The following LRRC37A2 variants were observed in gnomAD, a reference collection of about 807,000 sequenced individuals.
The protein encoded by LRRC37A2 is leucine-rich repeat-containing protein 37A2.
In LRRC37A2, 9 loss-of-function variants were observed where a neutral mutation model predicts 68.8. The ratio of observed to expected loss-of-function variants is 0.13; its 90% CI spans 0.08 to 0.23. The LOEUF (loss-of-function observed/expected upper bound fraction) is 0.23, where lower values mean the gene tolerates loss of function less well. Among genes scored for constraint, LRRC37A2 ranks in the 10% least tolerant of loss-of-function variants. The pLI is 1.00. For missense variants in LRRC37A2, 168 were observed against 950.4 expected, an observed-to-expected ratio of 0.18 and a Z score of 10.82; for synonymous variants, 63 against 367.6, an observed-to-expected ratio of 0.17 and a Z score of 9.48.
At chr17:46,953,841 T>G in the LRRC37A2 span, among the ~76,000 whole-genome samples, 1 of 152,258 alleles carries the variant, frequency 6.6e-6, no homozygotes, top group South Asian at 2.1e-4. Flanking sequence ...TGTCTTCTTT[T>G]GAGAAGTGTA....
the LRRC37A2 span, among the ~76,000 whole-genome samples, chr17:46,983,763 G>A: frequency 6.6e-6 from 1 of 152,302 alleles, no homozygotes; most frequent in African/African-American, 2.4e-5. Context: ...TGATTTCTGA[G>A]GGCCAGGAAC....
the LRRC37A2 span, among the ~76,000 whole-genome samples, chr17:47,040,056 A>C: frequency 2.0e-5 from 3 of 151,962 alleles, no homozygotes; most frequent in South Asian, 6.2e-4. Context: ...CTATTTGATG[A>C]GACATTGCTT....
the LRRC37A2 span, among the ~76,000 whole-genome samples, chr17:46,870,904 C>CTTTTTTTTTTTTTTTTTTTT: frequency 6.4e-5 from 5 of 78,388 alleles, no homozygotes; most frequent in African/African-American, 2.5e-4. Context: ...TCCACCTTTG[C>CTTTTTTTTTTTTTTTTTTTT]TTTTTTTTTT....
the LRRC37A2 span, among the ~76,000 whole-genome samples, chr17:46,835,694 CTGG>C: frequency 2.0e-5 from 3 of 152,240 alleles, no homozygotes; most frequent in African/African-American, 4.8e-5. Context: ...AAGCTCAGGG[CTGG>C]TGGTCAGGTG....
chr17:46,877,627 G>T, the LRRC37A2 span, among the ~76,000 whole-genome samples: 1 of 152,196 alleles, frequency 6.6e-6, no homozygotes, highest in Non-Finnish European at 1.5e-5. Flanking sequence ...CTGGTGCCTG[G>T]CAGTGACGTG....
At chr17:46,749,432 A>C in the LRRC37A2 span, among the ~76,000 whole-genome samples, 1 of 152,140 alleles carries the variant, frequency 6.6e-6, no homozygotes, top group African/African-American at 2.4e-5. Context: ...TTTTTCCCCA[A>C]TTCCCACCAT....
the LRRC37A2 span, among the ~76,000 whole-genome samples, chr17:46,945,972 T>C: frequency 1.3e-5 from 2 of 152,206 alleles, no homozygotes; most frequent in South Asian, 2.1e-4. Flanking sequence ...ATTTCTTTTT[T>C]CCCCCTGTGG....
At chr17:46,935,306 G>A in the LRRC37A2 span, 1 of 1,544,018 alleles carries the variant, frequency 6.5e-7, no homozygotes. Context: ...CTTGAGTTTG[G>A]GATCCTTTCT....
chr17:46,992,680 C>T, the LRRC37A2 span, among the ~76,000 whole-genome samples: 30,157 of 151,752 alleles, frequency 0.2, 4,140 homozygotes, highest in East Asian at 0.61. Flanking sequence ...TGGTAAAACC[C>T]CGTTTATACT....
chr17:46,915,278 G>C, the LRRC37A2 span, among the ~76,000 whole-genome samples: 5 of 152,280 alleles, frequency 3.3e-5, no homozygotes, highest in South Asian at 1.0e-3. Flanking sequence ...GCTGGGAATG[G>C]TAACGGGAGC....
At chr17:46,819,982 G>C in the LRRC37A2 span, among the ~76,000 whole-genome samples, 1 of 152,228 alleles carries the variant, frequency 6.6e-6, no homozygotes, top group South Asian at 2.1e-4. This position sits in a 1 kb window ranked among gnomAD's most constrained non-coding sequence, Gnocchi z 5.3. Context: ...CCGGTGGGGA[G>C]CAGGGACCGC....
chr17:46,745,158 A>G, the LRRC37A2 span, among the ~76,000 whole-genome samples: 13 of 152,236 alleles, frequency 8.5e-5, no homozygotes, highest in Admixed American at 7.2e-4. Flanking sequence ...TTTTGTTTTT[A>G]AAGCTGCATC....
At chr17:46,982,552 C>G in the LRRC37A2 span, among the ~76,000 whole-genome samples, 1 of 152,206 alleles carries the variant, frequency 6.6e-6, no homozygotes, top group Non-Finnish European at 1.5e-5. Context: ...GAGGAAACAG[C>G]GGCACTGACT....
chr17:46,793,827 G>A, the LRRC37A2 span, among the ~76,000 whole-genome samples: 1 of 152,140 alleles, frequency 6.6e-6, no homozygotes, highest in Non-Finnish European at 1.5e-5. Flanking sequence ...TAGAGATGCC[G>A]GCTCCAGTTT....
the LRRC37A2 span, among the ~76,000 whole-genome samples, chr17:46,882,244 C>G: frequency 6.6e-6 from 1 of 152,202 alleles, no homozygotes; most frequent in South Asian, 2.1e-4. Flanking sequence ...GTTTTCATGT[C>G]TCTCCAGCTC....
chr17:46,718,567 C>T, the LRRC37A2 span, among the ~76,000 whole-genome samples: 1 of 152,108 alleles, frequency 6.6e-6, no homozygotes, highest in Non-Finnish European at 1.5e-5. Flanking sequence ...CATAGGACTA[C>T]CAAACTAGGG....
chr17:46,668,897 TTAAG>T, the LRRC37A2 span, among the ~76,000 whole-genome samples: 2 of 112,866 alleles, frequency 1.8e-5, no homozygotes, highest in African/African-American at 8.6e-5. Flanking sequence ...TAGTTCTTAC[TTAAG>T]TAAGTTATAG....
chr17:46,835,146 C>T, the LRRC37A2 span, among the ~76,000 whole-genome samples: 1 of 152,110 alleles, frequency 6.6e-6, no homozygotes, highest in African/African-American at 2.4e-5. Flanking sequence ...AGGAACACAC[C>T]ACCACACCTG....
the LRRC37A2 span, chr17:46,924,220 T>A: frequency 5.1e-6 from 1 of 196,744 alleles, no homozygotes; most frequent in African/African-American, 2.3e-5. Context: ...CATACAGAAT[T>A]TGTCCTTTTG....
Sources: gnomAD v4.1 joint callset for allele counts (sites outside exome capture counted in the v4.1 genomes callset) on GRCh38, gnomAD v4.1.1 for gene constraint, Gnocchi (gnomAD v3.1) non-coding constraint, MANE v1.5 for transcripts, NCBI Gene and HGNC (gene_info 2026-07-23, HGNC 2026-07-21) for gene names.